Variants in MLLT1 observed in about 807,000 individuals in gnomAD.
MLLT1 encodes the protein protein ENL.
Under a neutral mutation model 55.1 loss-of-function variants are expected in MLLT1, and 11 were observed. The ratio of observed to expected loss-of-function variants is 0.20; its 90% CI spans 0.13 to 0.33. MLLT1 has a LOEUF of 0.33. Ranked by LOEUF, MLLT1 falls within the 10% of genes least tolerant of loss-of-function variation. The pLI is 1.00. For missense variants in MLLT1, 536 were observed against 760.6 expected, an observed-to-expected ratio of 0.70 and a Z score of 3.47; for synonymous variants, 323 against 320.1, an observed-to-expected ratio of 1.01 and a Z score of -0.10.
Position 6,213,174 on chromosome 19 carries a change from T to C in MLLT1, c.1552-4A>G. 1 of 1,613,758 alleles carries C rather than the reference T, an allele frequency of 6.2e-7. No homozygotes were observed. ...TCTCCTCGATCAGATTCACAATCTG[T>C]AAGGTGGTGGCAGGTGGCTTCAGGG... is the stretch of plus-strand genomic sequence containing the variant. On this transcript the variant is annotated splice_polypyrimidine_tract_variant and splice_region_variant and intron_variant, in intron 11 of 11. Coordinates refer to ENST00000252674, the MANE Select transcript of MLLT1 (RefSeq NM_005934.4).
In MLLT1 at chr19:6,262,331, C is replaced by A. The variant is rs773503313; in HGVS notation, c.194-21G>T. Reference sequence around the variant, plus strand: ...GCACACTAAAAAGAAAAGGAAGAAACACACCCATCAGCCTCCTGCCTGTTT... The same window carrying A: ...GCACACTAAAAAGAAAAGGAAGAAAAACACCCATCAGCCTCCTGCCTGTTT... On this transcript the variant is annotated intron_variant, in intron 2 of 11. Coordinates refer to ENST00000252674, the MANE Select transcript of MLLT1 (RefSeq NM_005934.4). The surrounding 1 kb of genome is among the most constrained non-coding windows in gnomAD (Gnocchi z 4.4). 1 of 1,605,630 alleles carries A rather than the reference C, an allele frequency of 6.2e-7. No homozygotes were observed. The highest frequency in any genetic ancestry group is 8.5e-7 in the Non-Finnish European group (1 of 1,173,364).
chr19:6,228,217 G>A (rs1003601144), intron 4 of MLLT1, among the ~76,000 whole-genome samples: 10 of 152,316 alleles, frequency 6.6e-5, no homozygotes, highest in South Asian at 2.1e-4. Context: ...GCAAGCTCAC[G>A]GAGGAGCCAC....
At chr19:6,237,834 G>T (rs1340466048) in intron 3 of MLLT1, among the ~76,000 whole-genome samples, 4 of 152,100 alleles carry the variant, frequency 2.6e-5, no homozygotes, top group African/African-American at 9.7e-5. Context: ...TGGCACAATG[G>T]CTCATGCCTG....
In MLLT1 at chr19:6,270,544, C is replaced by T. The variant is rs750128038; in HGVS notation, c.193+35G>A. 20 of 1,585,544 alleles carry T rather than the reference C, an allele frequency of 1.3e-5. No homozygotes were observed. Among genetic ancestry groups the T allele is most frequent in the Admixed American group, 8.5e-5 (5 of 58,720 alleles). Reference sequence around the variant, plus strand: ...TGGGAGGAGTGAAGACAGATGGGTCCGTGCTGTGGGCACTCAGGGCTTGAG... The same window carrying T: ...TGGGAGGAGTGAAGACAGATGGGTCTGTGCTGTGGGCACTCAGGGCTTGAG... On this transcript the variant is annotated intron_variant, in intron 2 of 11. Coordinates refer to ENST00000252674, the MANE Select transcript of MLLT1 (RefSeq NM_005934.4). This position sits in a 1 kb window ranked among gnomAD's most constrained non-coding sequence, Gnocchi z 7.1.
In MLLT1 at chr19:6,251,987, G is replaced by A. The variant is rs79177906; in HGVS notation, c.276+10241C>T. On this transcript the variant is annotated intron_variant, in intron 3 of 11. Transcript: ENST00000252674. Reference sequence around the variant, plus strand: ...AAAGAAAAAAAGAACCTAGAGACCCGGTAAGGCATTATTTCTGGGTGTGTC... The same window carrying A: ...AAAGAAAAAAAGAACCTAGAGACCCAGTAAGGCATTATTTCTGGGTGTGTC... Among the ~76,000 whole-genome samples, 59 of 152,224 alleles carry A rather than the reference G, an allele frequency of 3.9e-4. 3 individuals are homozygous for A. The East Asian group carries it at 8.5e-3, about 22-fold the overall frequency.
At chr19:6,268,150 G>A (rs1208623242) in intron 2 of MLLT1, among the ~76,000 whole-genome samples, 1 of 152,204 alleles carries the variant, frequency 6.6e-6, no homozygotes, top group East Asian at 1.9e-4. Flanking sequence ...ACGAAACCGC[G>A]ATTGAGCCCA....
intron 3 of MLLT1, chr19:6,259,934 A>C (rs1025404442): frequency 1.3e-5 from 2 of 152,108 alleles, no homozygotes; most frequent in African/African-American, 4.8e-5. Flanking sequence ...TACCTCGACA[A>C]ACTAGACTTA....
rs1461310511 is a variant in MLLT1 at position 6,240,229 on chromosome 19, CT to C, written c.277-9517del. On this transcript the variant is annotated intron_variant, in intron 3 of 11. Coordinates refer to ENST00000252674, the MANE Select transcript of MLLT1 (RefSeq NM_005934.4). The surrounding 1 kb of genome is among the most constrained non-coding windows in gnomAD (Gnocchi z 4.7). Reference sequence around the variant, plus strand: ...AGGGAGACCCCAGAGGCCCCGCCCCCTCCCACACATGTGCTCAGGGCCTGCA... The same window carrying C: ...AGGGAGACCCCAGAGGCCCCGCCCCCCCCACACATGTGCTCAGGGCCTGCA... Among the ~76,000 whole-genome samples, 1 of 152,236 alleles carries C rather than the reference CT, an allele frequency of 6.6e-6. No individual in the cohort carries two copies. The highest frequency in any genetic ancestry group is 1.5e-5 in the Non-Finnish European group (1 of 68,042).
chr19:6,269,976 G>A (rs536125284), intron 2 of MLLT1, among the ~76,000 whole-genome samples: 8 of 152,164 alleles, frequency 5.3e-5, no homozygotes, highest in African/African-American at 1.9e-4. Context: ...CCTTTCCCTA[G>A]GGCTCACTTC....
Position 6,227,578 on chromosome 19 carries a change from C to T in MLLT1, c.421-476G>A, listed in dbSNP as rs996014047. Among the ~76,000 whole-genome samples the T allele has an allele frequency of 2.6e-5, 4 of 152,222 alleles. No individual in the cohort carries two copies. Among genetic ancestry groups the T allele is most frequent in the African/African-American group, 9.7e-5 (4 of 41,442 alleles). On this transcript the variant is annotated intron_variant, in intron 4 of 11. Coordinates refer to ENST00000252674, the MANE Select transcript of MLLT1 (RefSeq NM_005934.4). This position sits in a 1 kb window ranked among gnomAD's most constrained non-coding sequence, Gnocchi z 5.1. Reference sequence around the variant, plus strand: ...GGTCCCACGTGCCCGGAGAATGAGCCGTCCTTGGTGTGCGGTGACTGCAGC... The same window carrying T: ...GGTCCCACGTGCCCGGAGAATGAGCTGTCCTTGGTGTGCGGTGACTGCAGC...
chr19:6,244,577 C>T (rs1469149367), intron 3 of MLLT1, among the ~76,000 whole-genome samples: 1 of 152,056 alleles, frequency 6.6e-6, no homozygotes, highest in Non-Finnish European at 1.5e-5. Context: ...AACAGTAAGA[C>T]GTCCATCAAA....
rs1008628522 is a variant in MLLT1 at position 6,256,157 on chromosome 19, C to T, written c.276+6071G>A. On this transcript the variant is annotated intron_variant, in intron 3 of 11. Transcript: ENST00000252674. This position sits in a 1 kb window ranked among gnomAD's most constrained non-coding sequence, Gnocchi z 4.1. ...GCTTGAACCTGGGAGGCAGAGGTTGCGATGAGCCAGGATCGTGCCACTGCA... is the reference window on the plus strand; with the variant it reads ...GCTTGAACCTGGGAGGCAGAGGTTGTGATGAGCCAGGATCGTGCCACTGCA... Among the ~76,000 whole-genome samples, 10 of 151,548 alleles carry T rather than the reference C, an allele frequency of 6.6e-5. No individual in the cohort carries two copies. The highest frequency in any genetic ancestry group is 4.6e-4 in the Admixed American group (7 of 15,248).
chr19:6,252,235 C>T (rs564041759), intron 3 of MLLT1, among the ~76,000 whole-genome samples: 1 of 152,332 alleles, frequency 6.6e-6, no homozygotes, highest in South Asian at 2.1e-4. Context: ...ACCCTCAGTA[C>T]CAGGCTTTCG....
chr19:6,259,006 G>A (rs764804681), intron 3 of MLLT1, among the ~76,000 whole-genome samples: 3 of 152,186 alleles, frequency 2.0e-5, no homozygotes, highest in South Asian at 2.1e-4. Context: ...AGAAGCAGAC[G>A]CAGCCAGAAA....
rs1364810002 is a variant in MLLT1 at position 6,262,571 on chromosome 19, T to C, written c.194-261A>G. Among the ~76,000 whole-genome samples the C allele has an allele frequency of 6.6e-6, 1 of 152,170 alleles. No individual in the cohort carries two copies. The highest frequency in any genetic ancestry group is 1.5e-5 in the Non-Finnish European group (1 of 68,014). ...GTCAGCAGAGAGTGAGAAGGAACGT[T>C]AGCCTGTCATCGGGATACTTGCTCC... is the stretch of plus-strand genomic sequence containing the variant. On this transcript the variant is annotated intron_variant, in intron 2 of 11. Coordinates refer to ENST00000252674, the MANE Select transcript of MLLT1 (RefSeq NM_005934.4). The surrounding 1 kb of genome is among the most constrained non-coding windows in gnomAD (Gnocchi z 4.4).
At chr19:6,255,518 G>C (rs1184236638) in intron 3 of MLLT1, among the ~76,000 whole-genome samples, 1 of 152,010 alleles carries the variant, frequency 6.6e-6, no homozygotes, top group Admixed American at 6.6e-5. Context: ...AAAAACCTAG[G>C]AATAAATTTA....
intron 3 of MLLT1, among the ~76,000 whole-genome samples, chr19:6,242,769 G>A (rs1269018599): frequency 6.6e-6 from 1 of 152,110 alleles, no homozygotes; most frequent in African/African-American, 2.4e-5. Flanking sequence ...GGGTTCAATA[G>A]AAACAAGTGC....
chr19:6,270,576 C>T lies in MLLT1; in HGVS notation c.193+3G>A. ...TGGGCACTCAGGGCTTGAGGCCACT[C>T]ACCGCGTCTGGGCTTGGGGAAGCTG... On this transcript the variant is annotated splice_donor_region_variant and intron_variant, in intron 2 of 11. Transcript: ENST00000252674. The surrounding 1 kb of genome is among the most constrained non-coding windows in gnomAD (Gnocchi z 7.1). 6.2e-7 allele frequency: 1 copy of T among 1,608,038 alleles called. No individual in the cohort carries two copies.
At chr19:6,242,857 G>A (rs2091128822) in intron 3 of MLLT1, among the ~76,000 whole-genome samples, 1 of 152,190 alleles carries the variant, frequency 6.6e-6, no homozygotes, top group South Asian at 2.1e-4. Context: ...CACAGGAGAG[G>A]AAAGCAGGCC....
Sources: allele counts gnomAD v4.1 joint callset (sites outside exome capture counted in the v4.1 genomes callset), GRCh38; gene constraint gnomAD v4.1.1; non-coding constraint Gnocchi (gnomAD v3.1); transcripts MANE v1.5; gene names NCBI Gene and HGNC (gene_info 2026-07-23, HGNC 2026-07-21).